The following GPM6B variants were observed in gnomAD, a reference collection of about 807,000 sequenced individuals.
GPM6B encodes glycoprotein M6B.
GPM6B carries 4 observed loss-of-function variants against 27.2 expected under a neutral mutation model. The observed-to-expected ratio is 0.15, with a 90% CI of 0.07 to 0.34. GPM6B has a LOEUF of 0.34. Among genes scored for constraint, GPM6B ranks in the 10% least tolerant of loss-of-function variants. GPM6B has a pLI of 1.00. For synonymous variants in GPM6B, 124 were observed against 103.1 expected, an observed-to-expected ratio of 1.20 and a Z score of -1.23; for missense variants, 183 against 261.9, an observed-to-expected ratio of 0.70 and a Z score of 2.08.
chrX:13,850,220 G>C (rs1016986644), intron 1 of GPM6B, among the ~76,000 whole-genome samples: 1 of 112,018 alleles, frequency 8.9e-6, no homozygotes, highest in Non-Finnish European at 1.9e-5. Flanking sequence ...TCTCTGAGTG[G>C]AAGGGAGTGA....
At chrX:13,806,195 G>C (rs1254285357) in intron 2 of GPM6B, among the ~76,000 whole-genome samples, 3 of 111,317 alleles carry the variant, frequency 2.7e-5, no homozygotes, top group Non-Finnish European at 5.7e-5. Context: ...CCTTCTCTCA[G>C]CCTCTGGCAA....
chrX:13,840,155 C>T (rs970542141), intron 1 of GPM6B, among the ~76,000 whole-genome samples: 2 of 112,033 alleles, frequency 1.8e-5, no homozygotes, highest in East Asian at 2.8e-4. Context: ...AATACTTGGA[C>T]GAAAAGTTTT....
intron 2 of GPM6B, among the ~76,000 whole-genome samples, chrX:13,795,753 T>C (rs1351832186): frequency 9.7e-6 from 1 of 102,661 alleles, no homozygotes; most frequent in Non-Finnish European, 2.0e-5. Flanking sequence ...TTTTTTTTTT[T>C]TTTTTTTTAA....
intron 2 of GPM6B, among the ~76,000 whole-genome samples, chrX:13,806,856 T>C (rs1412109786): frequency 8.9e-6 from 1 of 112,146 alleles, no homozygotes; most frequent in Non-Finnish European, 1.9e-5. Flanking sequence ...TATGTCTGCA[T>C]TTTATGTAGT....
In GPM6B at chrX:13,932,385, C is replaced by T. The variant is rs188803422; in HGVS notation, c.-198+5942G>A. ...ATCCCTCTTTGAAATACCACCTCCC[C>T]GCTTTTTTCCTCAGACAGATACTCT... On this transcript the variant is annotated intron_variant, in intron 1 of 6. Coordinates refer to the GPM6B transcript ENST00000398361. Among the ~76,000 whole-genome samples the T allele has an allele frequency of 2.9e-3, 330 of 112,451 alleles. 1 individual carries two copies. Among genetic ancestry groups the T allele is most frequent in the African/African-American group, 9.3e-3 (289 of 31,010 alleles).
intron 1 of GPM6B, among the ~76,000 whole-genome samples, chrX:13,838,649 G>A (rs1346251445): frequency 1.8e-5 from 2 of 112,011 alleles, no homozygotes; most frequent in Admixed American, 1.9e-4. Context: ...GGCACCAGCT[G>A]GGGGCTGAGC....
chrX:13,886,245 G>C (rs958399653), intron 1 of GPM6B, among the ~76,000 whole-genome samples: 2 of 111,896 alleles, frequency 1.8e-5, no homozygotes, highest in Non-Finnish European at 3.8e-5. Flanking sequence ...TCTCTCTGAA[G>C]TTTCACGTTT....
chrX:13,799,350 C>T lies in GPM6B; in HGVS notation c.181+8300G>A, dbSNP rs749390940. ...GTCTCAGCCTCCCAAGTAGCTGGGA[C>T]TACAGGCACCCACCAATACTCCCGG... On this transcript the variant is annotated intron_variant, in intron 2 of 7. Transcript: ENST00000316715. Among the ~76,000 whole-genome samples the T allele has an allele frequency of 7.6e-5, 8 of 104,842 alleles. No homozygotes were observed. In the East Asian group the frequency reaches 2.1e-3, roughly 27 times the overall value. 91.0% of individuals were successfully genotyped at this position (104,842 alleles called of 115,157 possible).
intron 4 of GPM6B, among the ~76,000 whole-genome samples, chrX:13,780,356 G>A (rs540342490): frequency 2.7e-5 from 3 of 111,998 alleles, no homozygotes; most frequent in South Asian, 7.5e-4. Flanking sequence ...TTCTGAAAAT[G>A]CAGAACATGC....
intron 1 of GPM6B, among the ~76,000 whole-genome samples, chrX:13,853,274 T>C (rs1569260957): frequency 9.0e-6 from 1 of 110,854 alleles, no homozygotes; most frequent in Non-Finnish European, 1.9e-5. Flanking sequence ...CCAATATTTA[T>C]TACAGCAACT....
chrX:13,885,477 T>C lies in GPM6B; in HGVS notation c.-198+52850A>G, dbSNP rs1381434294. Reference sequence around the variant, plus strand: ...AAAATTAACCCTTACAGTTTCTCAATAGTGAAAGAAGGCATGTAAAGTCTG... The same window carrying C: ...AAAATTAACCCTTACAGTTTCTCAACAGTGAAAGAAGGCATGTAAAGTCTG... On this transcript the variant is annotated intron_variant, in intron 1 of 6. Transcript: ENST00000398361. 3.6e-5 allele frequency among the ~76,000 whole-genome samples: 4 copies of C among 111,537 alleles called. No homozygotes were observed. In the East Asian group the frequency reaches 1.1e-3, roughly 31 times the overall value.
chrX:13,831,477 A>T (rs930043855), intron 1 of GPM6B, among the ~76,000 whole-genome samples: 3 of 110,911 alleles, frequency 2.7e-5, no homozygotes, highest in Admixed American at 9.6e-5. Context: ...CAGGATGGTT[A>T]TAAGGAAAAA....
At chrX:13,800,821 G>C (rs1314816866) in intron 2 of GPM6B, among the ~76,000 whole-genome samples, 1 of 110,470 alleles carries the variant, frequency 9.1e-6, no homozygotes, top group Non-Finnish European at 1.9e-5. Flanking sequence ...ATCGCAGAGA[G>C]GGTAGGTGGG....
chrX:13,773,077 G>C, intron 7 of GPM6B, 47 bp from the exon 8 acceptor site: 1 of 1,117,933 alleles, frequency 8.9e-7, no homozygotes, highest in Non-Finnish European at 1.2e-6. Context: ...TTGTGAGAAG[G>C]CAAAGCGAGG....
chrX:13,825,339 C>T (rs7052038), intron 1 of GPM6B, among the ~76,000 whole-genome samples: 15,571 of 111,575 alleles, frequency 0.14, 1,968 homozygotes, highest in African/African-American at 0.4. Flanking sequence ...AGCGTTACCA[C>T]CAGCAGAGAG....
upstream of GPM6B, among the ~76,000 whole-genome samples, chrX:13,819,878 T>C (rs746190346): frequency 5.3e-4 from 59 of 111,538 alleles, no homozygotes; most frequent in African/African-American, 1.8e-3. Context: ...GCAGTAATGC[T>C]TAGAAACCTG....
intron 1 of GPM6B, among the ~76,000 whole-genome samples, chrX:13,937,402 T>A (rs575982698): frequency 6.3e-5 from 7 of 111,315 alleles, no homozygotes; most frequent in African/African-American, 2.3e-4. Flanking sequence ...GCAAAGATAA[T>A]GTGAAAGAGG....
Position 13,837,225 on chromosome X carries a change from A to G in GPM6B, c.-197-51417T>C, listed in dbSNP as rs773964281. 8.8e-3 allele frequency among the ~76,000 whole-genome samples: 478 copies of G among 54,534 alleles called. 1 individual carries two copies. The highest frequency in any genetic ancestry group is 0.016 in the Non-Finnish European group (395 of 25,175). 47.4% of individuals were successfully genotyped at this position (54,534 alleles called of 115,157 possible). A position where few individuals can be genotyped will look rare whatever the true frequency, so the allele number is the denominator to read the frequency against. The stretch of plus-strand genomic sequence containing the variant: ...AGATATCCCTTCAATCACAACCTTG[A>G]TATCTCATAAAGTTGTTACTGCCAT... On this transcript the variant is annotated intron_variant, in intron 1 of 6. Transcript: ENST00000398361.
chrX:13,910,425 A>G (rs2050368796), intron 1 of GPM6B, among the ~76,000 whole-genome samples: 1 of 113,013 alleles, frequency 8.8e-6, no homozygotes, highest in Non-Finnish European at 1.9e-5. Context: ...AAAGAAGTCC[A>G]AAAGGAAGAC....
Sources: allele counts gnomAD v4.1 joint callset (sites outside exome capture counted in the v4.1 genomes callset), GRCh38; gene constraint gnomAD v4.1.1; transcripts MANE v1.5; gene names NCBI Gene and HGNC (gene_info 2026-07-23, HGNC 2026-07-21).